Variants in SLC8A1 observed in about 807,000 individuals in gnomAD.
The protein encoded by SLC8A1 is sodium/calcium exchanger 1.
In SLC8A1, 18 loss-of-function variants were observed where a neutral mutation model predicts 68.3. The observed-to-expected ratio is 0.26, with a 90% CI of 0.18 to 0.39. The LOEUF (loss-of-function observed/expected upper bound fraction) is 0.39. SLC8A1 is among the 10% of genes least tolerant of loss of function. The pLI is 1.00. For missense variants in SLC8A1, 985 were observed against 1,156.7 expected, an observed-to-expected ratio of 0.85 and a Z score of 2.15; for synonymous variants, 475 against 415.5, an observed-to-expected ratio of 1.14 and a Z score of -1.74.
intron 2 of SLC8A1, among the ~76,000 whole-genome samples, chr2:40,337,562 C>T (rs1020405072): frequency 3.3e-5 from 5 of 152,286 alleles, no homozygotes; most frequent in Admixed American, 2.0e-4. Flanking sequence ...CTCAGTGGCA[C>T]TCAATGGTAT....
exon 8 of SLC8A1, chr2:40,107,096 C>G (rs987031784): frequency 6.6e-6 from 1 of 151,876 alleles, no homozygotes; most frequent in Non-Finnish European, 1.5e-5. Context: ...GCAGAGGACC[C>G]ATGTGGTCAA....
chr2:40,220,071 A>G (rs2058092406), intron 2 of SLC8A1: 1 of 151,786 alleles, frequency 6.6e-6, no homozygotes, highest in Admixed American at 6.6e-5. Context: ...CTCTTGTTAT[A>G]TCTTTGAACC....
intron 2 of SLC8A1, among the ~76,000 whole-genome samples, chr2:40,366,409 TA>T (rs1676208564): frequency 6.6e-6 from 1 of 151,976 alleles, no homozygotes. Context: ...AATAAGAATA[TA>T]AAACCCACAA....
At chr2:40,319,061 G>A (rs1196470366) in intron 2 of SLC8A1, among the ~76,000 whole-genome samples, 2 of 152,106 alleles carry the variant, frequency 1.3e-5, no homozygotes, top group Non-Finnish European at 2.9e-5. Flanking sequence ...ATACCCAGCT[G>A]AGAAGGTAAT....
At chr2:40,464,443 A>G (rs1703539704) in intron 1 of SLC8A1, among the ~76,000 whole-genome samples, 1 of 152,164 alleles carries the variant, frequency 6.6e-6, no homozygotes. Context: ...TGTGCACTCT[A>G]TTAGGAGTTG....
At chr2:40,135,094 T>C (rs994297641) in intron 7 of SLC8A1, among the ~76,000 whole-genome samples, 2 of 151,616 alleles carry the variant, frequency 1.3e-5, no homozygotes, top group African/African-American at 2.4e-5. Context: ...GCTTGGTGTG[T>C]GGATAGAAAA....
chr2:40,154,370 C>G (rs2044031973), intron 6 of SLC8A1, among the ~76,000 whole-genome samples: 1 of 128,902 alleles, frequency 7.8e-6, no homozygotes, highest in African/African-American at 2.9e-5. Context: ...GTGTTGAGAT[C>G]TCGGCTCACT....
intron 2 of SLC8A1, among the ~76,000 whole-genome samples, chr2:40,414,859 T>C (rs188606349): frequency 1.6e-4 from 25 of 152,242 alleles, no homozygotes; most frequent in Non-Finnish European, 3.2e-4. Context: ...AAAAATACTA[T>C]TGGTTAAATA....
intron 2 of SLC8A1, among the ~76,000 whole-genome samples, chr2:40,232,941 T>C (rs991902333): frequency 3.2e-4 from 49 of 151,270 alleles, no homozygotes; most frequent in African/African-American, 1.1e-3. Flanking sequence ...TCCTTTTTTA[T>C]GGCTGCATAG....
intron 2 of SLC8A1, among the ~76,000 whole-genome samples, chr2:40,209,645 T>C (rs761168234): frequency 6.6e-6 from 1 of 152,098 alleles, no homozygotes; most frequent in Non-Finnish European, 1.5e-5. Flanking sequence ...CGGCAAAGGA[T>C]GATGGTGCCT....
intron 2 of SLC8A1, among the ~76,000 whole-genome samples, chr2:40,365,341 G>C (rs931533374): frequency 2.0e-5 from 3 of 151,948 alleles, no homozygotes; most frequent in Admixed American, 2.0e-4. Flanking sequence ...ATTTGCTTCA[G>C]GGCTATATCT....
intron 2 of SLC8A1, among the ~76,000 whole-genome samples, chr2:40,360,106 A>G (rs919569273): frequency 6.6e-6 from 1 of 152,174 alleles, no homozygotes; most frequent in African/African-American, 2.4e-5. Context: ...AGGTCATGTT[A>G]CTATCCCCAT....
At chr2:40,485,017 A>G (rs1704867377) in intron 1 of SLC8A1, among the ~76,000 whole-genome samples, 1 of 152,188 alleles carries the variant, frequency 6.6e-6, no homozygotes, top group African/African-American at 2.4e-5. Flanking sequence ...AAATTCAAAG[A>G]AGTCATCATA....
At chr2:40,150,358 GTT>G (rs995041405) in intron 6 of SLC8A1, among the ~76,000 whole-genome samples, 4 of 152,190 alleles carry the variant, frequency 2.6e-5, no homozygotes, top group African/African-American at 9.7e-5. Context: ...TATGGAGAGT[GTT>G]TGTGTGTGGT....
At chr2:40,177,680 G>A in intron 3 of SLC8A1, 2 of 903,998 alleles carry the variant, frequency 2.2e-6, no homozygotes, top group Admixed American at 2.0e-5. Context: ...AGAGAGTTAA[G>A]TGTGAGAGTA....
chr2:40,098,128 A>T (rs1304783489), exon 8 of SLC8A1: 9 of 152,052 alleles, frequency 5.9e-5, no homozygotes, highest in Non-Finnish European at 1.2e-4. Flanking sequence ...TTGTCTTCAT[A>T]CTTATAGTCC....
intron 5 of SLC8A1, 81 bp from the exon 9 acceptor site, chr2:40,160,945 TC>T: frequency 1.0e-6 from 1 of 971,194 alleles, no homozygotes; most frequent in Non-Finnish European, 1.6e-6. Context: ...ATTTTGAAAC[TC>T]CAGAGTTATA....
Position 40,349,367 on chromosome 2 carries a change from A to C in SLC8A1, c.1808+79106T>G, listed in dbSNP as rs560853055. On this transcript the variant is annotated intron_variant, in intron 2 of 7. Coordinates refer to ENST00000406785, the Ensembl canonical transcript of SLC8A1. Reference sequence around the variant, plus strand: ...GGAAGAGAAAGAGGCAAGGAAAAGGAATGATTTAAGGATTTCTGTGGAAAA... The same window carrying C: ...GGAAGAGAAAGAGGCAAGGAAAAGGCATGATTTAAGGATTTCTGTGGAAAA... Among the ~76,000 whole-genome samples the C allele has an allele frequency of 5.3e-5, 8 of 152,268 alleles. No homozygotes were observed. In the South Asian group the frequency reaches 8.3e-4, roughly 16 times the overall value.
intron 2 of SLC8A1, among the ~76,000 whole-genome samples, chr2:40,242,572 C>T (rs1009677345): frequency 2.0e-5 from 3 of 152,160 alleles, no homozygotes; most frequent in East Asian, 1.9e-4. Flanking sequence ...ACAGGGATAC[C>T]GTCTTGAATG....
Sources: gnomAD v4.1 joint callset for allele counts (sites outside exome capture counted in the v4.1 genomes callset) on GRCh38, gnomAD v4.1.1 for gene constraint, MANE v1.5 for transcripts, NCBI Gene and HGNC (gene_info 2026-07-23, HGNC 2026-07-21) for gene names.